TMEM243: variants seen among roughly 807,000 people sequenced by gnomAD.
TMEM243 encodes the protein MDR1 and mitochondrial taxol resistance associated.
In TMEM243, 20 loss-of-function variants were observed where a neutral mutation model predicts 15.0. The observed-to-expected ratio is 1.33, with a 90% CI of 0.94 to 1.93. TMEM243 has a LOEUF of 1.93. Ranked by LOEUF, TMEM243 falls within the 30% of genes most tolerant of loss-of-function variation. TMEM243 has a pLI of 0.00. For synonymous variants in TMEM243, 72 were observed against 52.7 expected (o/e 1.37, Z -1.59); for missense variants, 156 against 142.1 (o/e 1.10, Z -0.50).
chr7:87,209,687 C>CGAGACACA, intron 1 of TMEM243, among the ~76,000 whole-genome samples: 1 of 80,774 alleles, frequency 1.2e-5, no homozygotes, highest in South Asian at 4.7e-4. Context: ...CGAGACACAG[C>CGAGACACA]GAGAGAGCGA....
At chr7:87,197,544 AATAATT>A (rs2129217977) in intron 3 of TMEM243, among the ~76,000 whole-genome samples, 1 of 152,160 alleles carries the variant, frequency 6.6e-6, no homozygotes, top group South Asian at 2.1e-4. Context: ...CTAATTTTGT[AATAATT>A]AGAATTAAAT....
At chr7:87,215,318 G>T (rs1200883712) in intron 1 of TMEM243, among the ~76,000 whole-genome samples, 1 of 151,986 alleles carries the variant, frequency 6.6e-6, no homozygotes. Flanking sequence ...TGCTCAGGCT[G>T]GTTTCAAAAT....
intron 1 of TMEM243, among the ~76,000 whole-genome samples, chr7:87,217,755 GTAGT>G (rs1186621480): frequency 6.6e-6 from 1 of 152,172 alleles, no homozygotes; most frequent in Non-Finnish European, 1.5e-5. Context: ...ATATATTCTT[GTAGT>G]AAGTAAGTAC....
intron 1 of TMEM243, among the ~76,000 whole-genome samples, chr7:87,217,787 T>G (rs1562890810): frequency 6.6e-6 from 1 of 152,244 alleles, no homozygotes; most frequent in Non-Finnish European, 1.5e-5. Flanking sequence ...AAGATACATT[T>G]GGAATAATAA....
chr7:87,209,920 G>A (rs896556846), intron 1 of TMEM243, among the ~76,000 whole-genome samples: 1 of 138,994 alleles, frequency 7.2e-6, no homozygotes, highest in Non-Finnish European at 1.6e-5. Context: ...CAGAGAGAGA[G>A]GACAGTGAGA....
chr7:87,201,385 T>G (rs924358142), intron 1 of TMEM243, among the ~76,000 whole-genome samples: 2 of 152,210 alleles, frequency 1.3e-5, no homozygotes, highest in African/African-American at 4.8e-5. Flanking sequence ...TGAATCAGAA[T>G]CTGCGTTTTA....
At chr7:87,212,684 G>T (rs932921040) in intron 1 of TMEM243, among the ~76,000 whole-genome samples, 6 of 152,160 alleles carry the variant, frequency 3.9e-5, no homozygotes, top group Admixed American at 3.9e-4. Flanking sequence ...GCATATCCAG[G>T]TTTCTAAACA....
At chr7:87,213,178 A>G (rs762009152) in intron 1 of TMEM243, among the ~76,000 whole-genome samples, 5 of 152,208 alleles carry the variant, frequency 3.3e-5, no homozygotes, top group Non-Finnish European at 5.9e-5. Context: ...GTGCATCTCA[A>G]CCCTTCCTAT....
intron 1 of TMEM243, among the ~76,000 whole-genome samples, chr7:87,217,367 C>G (rs1803187173): frequency 6.6e-6 from 1 of 152,336 alleles, no homozygotes; most frequent in South Asian, 2.1e-4. Context: ...GGATCCTGCT[C>G]TAGCAGTTGC....
intron 1 of TMEM243, among the ~76,000 whole-genome samples, chr7:87,210,570 G>C (rs1802673097): frequency 1.3e-5 from 2 of 152,246 alleles, no homozygotes; most frequent in Admixed American, 1.3e-4. Context: ...CAGGCCCCAT[G>C]CAAGTCTAAA....
chr7:87,199,044 TTGA>T lies in TMEM243; in HGVS notation c.89_91del (p.Ile30del). 2 of 1,606,732 alleles carry T rather than the reference TTGA, an allele frequency of 1.2e-6. No individual in the cohort carries two copies. The highest frequency in any genetic ancestry group is 1.7e-6 in the Non-Finnish European group (2 of 1,177,528). On this transcript the variant is annotated inframe_deletion, in exon 2 of 4. Coordinates refer to ENST00000257637, the MANE Select transcript of TMEM243 (RefSeq NM_024315.4). ...GGATGTTAAGCTGCCAACAACTAAA[TTGA>T]TGATTCGATCCTGAAAGAGAAAAGA...
Position 87,196,727 on chromosome 7 carries a change from G to A in TMEM243, c.266C>T (p.Pro89Leu), listed in dbSNP as rs766468075. ...IYWYRQGDLE[P>L]KFRKLIYYII... ...ATAGTAAATTAGCTTTCTAAATTTC[G>A]GTTCTAAGTCTCCTTGTCGATACCA... The change falls in exon 4 of 4, where the codon CCG becomes CTG. Residue 89 changes from proline (P) to leucine (L), a missense_variant. Coordinates refer to ENST00000257637, the MANE Select transcript of TMEM243 (RefSeq NM_024315.4). The A allele has an allele frequency of 1.3e-5, 21 of 1,601,400 alleles. No individual in the cohort carries two copies. The highest frequency in any genetic ancestry group is 2.7e-5 in the African/African-American group (2 of 74,300).
intron 1 of TMEM243, among the ~76,000 whole-genome samples, chr7:87,200,342 T>G (rs1046820614): frequency 6.6e-6 from 1 of 152,074 alleles, no homozygotes; most frequent in Non-Finnish European, 1.5e-5. Context: ...GAGCCTGAAC[T>G]TAGGACCACT....
intron 1 of TMEM243, chr7:87,199,669 C>T (rs1562877125): frequency 6.6e-6 from 1 of 152,134 alleles, no homozygotes; most frequent in Non-Finnish European, 1.5e-5. Context: ...AACCTACCTA[C>T]TGAGCTTTCT....
intron 1 of TMEM243, among the ~76,000 whole-genome samples, chr7:87,206,122 C>T (rs1314192379): frequency 6.6e-6 from 1 of 152,198 alleles, no homozygotes; most frequent in African/African-American, 2.4e-5. Context: ...TCTCATGAGA[C>T]TTATTCACTA....
chr7:87,198,516 T>G (rs1401345570), intron 2 of TMEM243: 2 of 168,794 alleles, frequency 1.2e-5, no homozygotes, highest in Non-Finnish European at 2.5e-5. Context: ...GGAAAAAAAT[T>G]CTCTTAAATT....
At position 87,196,545 on chromosome 7, in the gene TMEM243, G is replaced by A. The variant is rs368782749; in HGVS notation, c.*91C>T. 103 of 1,259,198 alleles carry A rather than the reference G, an allele frequency of 8.2e-5. No individual in the cohort carries two copies. The African/African-American group carries it at 1.5e-3, about 18-fold the overall frequency. 78.0% of individuals were successfully genotyped at this position (1,259,198 alleles called of 1,614,324 possible). A position where few individuals can be genotyped will look rare whatever the true frequency, so the allele number is the denominator to read the frequency against. ...GAAAATCATGTATCAGACTTCTGCA[G>A]GAGATTCTTCAGCATACCTTATCCA... is the stretch of plus-strand genomic sequence containing the variant. On this transcript the variant is annotated 3_prime_UTR_variant, in exon 4 of 4. Coordinates refer to ENST00000257637, the MANE Select transcript of TMEM243 (RefSeq NM_024315.4).
intron 1 of TMEM243, among the ~76,000 whole-genome samples, chr7:87,211,565 A>G (rs527980029): frequency 6.6e-6 from 1 of 152,296 alleles, no homozygotes; most frequent in East Asian, 1.9e-4. Flanking sequence ...CCAAATCACA[A>G]CTTCTCACCA....
chr7:87,204,246 T>C (rs538457072), intron 1 of TMEM243, among the ~76,000 whole-genome samples: 35 of 152,260 alleles, frequency 2.3e-4, no homozygotes, highest in African/African-American at 8.2e-4. Flanking sequence ...CCACAACACA[T>C]GGGAATTATG....
Sources: gnomAD v4.1 joint callset for allele counts (sites outside exome capture counted in the v4.1 genomes callset) on GRCh38, gnomAD v4.1.1 for gene constraint, MANE v1.5 for transcripts, NCBI Gene and HGNC (gene_info 2026-07-23, HGNC 2026-07-21) for gene names.